The following GABBR2 variants were observed in gnomAD, a reference collection of about 807,000 sequenced individuals.
GABBR2 encodes gamma-aminobutyric acid type B receptor subunit 2.
In GABBR2, 23 loss-of-function variants were observed where a neutral mutation model predicts 105.6. The observed-to-expected ratio is 0.22, with a 90% CI of 0.16 to 0.31. GABBR2 has a LOEUF of 0.31. GABBR2 is among the 10% of genes least tolerant of loss of function. GABBR2 has a pLI of 1.00. For missense variants in GABBR2, 734 were observed against 1,245.5 expected (o/e 0.59, Z 6.18); for synonymous variants, 478 against 499.7 (o/e 0.96, Z 0.58).
intron 6 of GABBR2, among the ~76,000 whole-genome samples, chr9:98,466,129 T>C (rs1025357490): frequency 9.9e-5 from 15 of 152,228 alleles, no homozygotes; most frequent in African/African-American, 3.6e-4. Flanking sequence ...TCCCCAGCCA[T>C]GCTTCCTGTA....
intron 2 of GABBR2, among the ~76,000 whole-genome samples, chr9:98,573,426 G>A (rs1020449390): frequency 7.2e-5 from 11 of 152,198 alleles, no homozygotes; most frequent in Middle Eastern, 3.4e-3. Flanking sequence ...GGGACCACAG[G>A]AGTGTGCCAC....
At chr9:98,519,434 C>T (rs1462213712) in intron 3 of GABBR2, among the ~76,000 whole-genome samples, 1 of 152,260 alleles carries the variant, frequency 6.6e-6, no homozygotes, top group African/African-American at 2.4e-5. Flanking sequence ...GAAGTCTGCA[C>T]ATCCGTGATA....
At chr9:98,620,947 T>G (rs1829661711) in intron 1 of GABBR2, among the ~76,000 whole-genome samples, 2 of 152,082 alleles carry the variant, frequency 1.3e-5, no homozygotes, top group Non-Finnish European at 2.9e-5. Flanking sequence ...AAAGCCATCA[T>G]GAGAATTAAA....
rs1218391014 is a variant in GABBR2, at chr9:98,547,289, T to A, written c.460-5246A>T. Reference sequence around the variant, plus strand: ...ATATATATATATAAAATGACTATGCTATATTTATATTGTGTATATTGTTTT... The same window carrying A: ...ATATATATATATAAAATGACTATGCAATATTTATATTGTGTATATTGTTTT... On this transcript the variant is annotated intron_variant, in intron 2 of 18. Coordinates refer to ENST00000259455, the MANE Select transcript of GABBR2 (RefSeq NM_005458.8). Among the ~76,000 whole-genome samples, 2 of 117,500 alleles carry A rather than the reference T, an allele frequency of 1.7e-5. 1 individual carries two copies. The highest frequency in any genetic ancestry group is 3.8e-5 in the Non-Finnish European group (2 of 53,214). 77.1% of individuals were successfully genotyped at this position (117,500 alleles called of 152,430 possible).
At chr9:98,636,239 G>A (rs1418777326) in intron 1 of GABBR2, among the ~76,000 whole-genome samples, 1 of 152,226 alleles carries the variant, frequency 6.6e-6, no homozygotes, top group South Asian at 2.1e-4. Context: ...GAAAGGCCAA[G>A]AATTTTCAAA....
intron 2 of GABBR2, 143 bp from the exon 3 acceptor site, chr9:98,542,186 G>C: frequency 1.5e-6 from 1 of 664,990 alleles, no homozygotes; most frequent in Non-Finnish European, 2.5e-6. Context: ...CTTTTTTATT[G>C]TAAGAGTAAC....
At chr9:98,622,182 T>C (rs1829679111) in intron 1 of GABBR2, among the ~76,000 whole-genome samples, 1 of 152,210 alleles carries the variant, frequency 6.6e-6, no homozygotes, top group East Asian at 1.9e-4. Flanking sequence ...CTTTGTTTTT[T>C]GAGACAGGGT....
At chr9:98,459,059 G>A (rs80232720) in intron 6 of GABBR2, among the ~76,000 whole-genome samples, 4 of 152,222 alleles carry the variant, frequency 2.6e-5, no homozygotes, top group African/African-American at 7.2e-5. Flanking sequence ...ACTTGTATTC[G>A]CATGCTACGT....
chr9:98,445,212 T>C (rs2485146), intron 7 of GABBR2, among the ~76,000 whole-genome samples: 111,783 of 152,064 alleles, frequency 0.74, 41,639 homozygotes, highest in African/African-American at 0.84. Flanking sequence ...GGAAGGGCTG[T>C]GGTCCCTGCA....
intron 1 of GABBR2, among the ~76,000 whole-genome samples, chr9:98,586,026 T>C (rs1161550856): frequency 6.6e-6 from 1 of 151,140 alleles, no homozygotes; most frequent in East Asian, 1.9e-4. Flanking sequence ...AAATAATAAC[T>C]TGCCCAATTT....
Position 98,708,678 on chromosome 9 carries a change from G to A in GABBR2, c.60C>T (p.Pro20=), listed in dbSNP as rs1000877593. 7.1e-6 allele frequency: 8 copies of A among 1,128,356 alleles called. No individual in the cohort carries two copies. Among genetic ancestry groups the A allele is most frequent in the African/African-American group, 5.0e-5 (3 of 60,414 alleles). The allele number at this position is 1,128,356 out of a possible 1,614,324, so 69.9% of individuals were successfully genotyped here. ...PGPPPPPPPP[P]ARLLLLLLLP... is the part of the protein sequence containing the mutation. ...GCAGCAGTAGCAGTAGCAGGCGCGC[G>A]GGCGGCGGTGGCGGCGGCGGCGGCG... Residue 20 remains proline (P), a synonymous_variant, in exon 1 of 19, where the codon CCC becomes CCT. Coordinates refer to ENST00000259455, the MANE Select transcript of GABBR2 (RefSeq NM_005458.8).
chr9:98,599,165 C>T (rs10819071), intron 1 of GABBR2, among the ~76,000 whole-genome samples: 95,043 of 151,882 alleles, frequency 0.63, 30,220 homozygotes, highest in Non-Finnish European at 0.66. Context: ...AACCTAGGGG[C>T]TTCAAACTCA....
intron 1 of GABBR2, among the ~76,000 whole-genome samples, chr9:98,661,711 A>G (rs937428134): frequency 5.9e-5 from 9 of 152,130 alleles, no homozygotes; most frequent in African/African-American, 1.9e-4. Context: ...TGTGATGACT[A>G]TGTTAGTGGA....
intron 13 of GABBR2, among the ~76,000 whole-genome samples, chr9:98,352,993 A>T (rs1831426036): frequency 6.6e-6 from 1 of 152,108 alleles, no homozygotes; most frequent in African/African-American, 2.4e-5. Context: ...CTGATGCAGC[A>T]GCTTGGGTTT....
chr9:98,697,257 C>G (rs1588287094), intron 1 of GABBR2, among the ~76,000 whole-genome samples: 2 of 151,882 alleles, frequency 1.3e-5, no homozygotes, highest in African/African-American at 4.8e-5. Context: ...TTTGGGAGGC[C>G]GAGGCAAGCA....
At position 98,291,853 on chromosome 9, in the gene GABBR2, G is replaced by A. The variant is rs116481862; in HGVS notation, c.2661-1104C>T. Reference sequence around the variant, plus strand: ...CCTTGTTTGTGCTCACTCTCTGCTAGGAGAACCCTTCCTCTGCTAAGCAGA... The same window carrying A: ...CCTTGTTTGTGCTCACTCTCTGCTAAGAGAACCCTTCCTCTGCTAAGCAGA... On this transcript the variant is annotated intron_variant, in intron 18 of 18. Coordinates refer to ENST00000259455, the MANE Select transcript of GABBR2 (RefSeq NM_005458.8). Among the ~76,000 whole-genome samples the A allele has an allele frequency of 6.3e-3, 958 of 152,314 alleles. 10 individuals are homozygous for A. The highest frequency in any genetic ancestry group is 0.021 in the African/African-American group (882 of 41,574).
chr9:98,311,996 AT>A (rs1830644336), intron 13 of GABBR2, among the ~76,000 whole-genome samples: 2 of 152,126 alleles, frequency 1.3e-5, no homozygotes, highest in Non-Finnish European at 2.9e-5. Context: ...CTGTACATTT[AT>A]TTTTTTCTGA....
At chr9:98,505,128 T>C (rs1004798127) in intron 3 of GABBR2, among the ~76,000 whole-genome samples, 1 of 152,188 alleles carries the variant, frequency 6.6e-6, no homozygotes, top group African/African-American at 2.4e-5. Context: ...CTTTGATAGA[T>C]AGTGAGGTCT....
At chr9:98,395,498 C>A (rs539463327) in intron 8 of GABBR2, among the ~76,000 whole-genome samples, 69 of 152,014 alleles carry the variant, frequency 4.5e-4, no homozygotes, top group Non-Finnish European at 6.3e-4. Flanking sequence ...GAAAGTGAGC[C>A]AAGTGAAAAG....
Sources: allele counts gnomAD v4.1 joint callset (sites outside exome capture counted in the v4.1 genomes callset), GRCh38; gene constraint gnomAD v4.1.1; transcripts MANE v1.5; gene names NCBI Gene and HGNC (gene_info 2026-07-23, HGNC 2026-07-21).